The following PLA2G4A variants were observed in gnomAD, a reference collection of about 807,000 sequenced individuals.
PLA2G4A encodes the protein cytosolic phospholipase A2.
PLA2G4A carries 40 observed loss-of-function variants against 81.9 expected under a neutral mutation model. The ratio of observed to expected loss-of-function variants is 0.49; its 90% CI spans 0.38 to 0.64. The LOEUF is 0.64. PLA2G4A is among the 30% of genes least tolerant of loss of function. PLA2G4A has a pLI of 0.00. For synonymous variants in PLA2G4A, 302 were observed against 296.9 expected, an observed-to-expected ratio of 1.02 and a Z score of -0.18; for missense variants, 715 against 905.1, an observed-to-expected ratio of 0.79 and a Z score of 2.69.
At chr1:186,919,894 G>T (rs561645256) in intron 7 of PLA2G4A, among the ~76,000 whole-genome samples, 234 of 152,280 alleles carry the variant, frequency 1.5e-3, no homozygotes, top group Non-Finnish European at 1.6e-3. Flanking sequence ...AGGAGGGGGG[G>T]TGTTCCATGG....
intron 2 of PLA2G4A, among the ~76,000 whole-genome samples, chr1:186,865,345 A>G (rs1571346125): frequency 6.6e-6 from 1 of 152,244 alleles, no homozygotes; most frequent in African/African-American, 2.4e-5. Flanking sequence ...TAGACTAAAA[A>G]TAGATAATGC....
intron 5 of PLA2G4A, among the ~76,000 whole-genome samples, chr1:186,897,026 T>C (rs1285666713): frequency 1.3e-5 from 2 of 152,066 alleles, no homozygotes; most frequent in Non-Finnish European, 2.9e-5. Flanking sequence ...GAGAAGTTGG[T>C]GAGGGAGCAA....
At chr1:186,912,743 T>C (rs991096025) in intron 7 of PLA2G4A, among the ~76,000 whole-genome samples, 57 of 143,714 alleles carry the variant, frequency 4.0e-4, no homozygotes, top group African/African-American at 1.5e-3. Flanking sequence ...TATATATACA[T>C]ATATATGTAT....
intron 3 of PLA2G4A, 31 bp from the exon 4 acceptor site, chr1:186,892,980 C>T: frequency 1.9e-6 from 3 of 1,552,788 alleles, no homozygotes; most frequent in Admixed American, 1.7e-5. Context: ...CACATTTCTA[C>T]CTCCTTCTTG....
chr1:186,879,555 A>G (rs1301050994), intron 3 of PLA2G4A, among the ~76,000 whole-genome samples: 1 of 151,958 alleles, frequency 6.6e-6, no homozygotes, highest in Non-Finnish European at 1.5e-5. Context: ...TCTGCTACTT[A>G]TTAACCATGT....
chr1:186,856,148 C>G (rs1652543063), intron 2 of PLA2G4A, among the ~76,000 whole-genome samples: 1 of 151,844 alleles, frequency 6.6e-6, no homozygotes, highest in South Asian at 2.1e-4. Context: ...TGTAATGATT[C>G]TACAGAGGAG....
chr1:186,851,492 T>C (rs1053288372), intron 1 of PLA2G4A, among the ~76,000 whole-genome samples: 5 of 152,012 alleles, frequency 3.3e-5, no homozygotes, highest in Admixed American at 3.3e-4. Context: ...CTCTAGAGTA[T>C]TAGCTGGATT....
chr1:186,872,007 T>C (rs935708815), intron 3 of PLA2G4A, among the ~76,000 whole-genome samples: 2 of 152,010 alleles, frequency 1.3e-5, no homozygotes, highest in African/African-American at 4.8e-5. Flanking sequence ...GTCCAGGAAG[T>C]TGGTAAATGT....
intron 7 of PLA2G4A, 94 bp from the exon 8 acceptor site, chr1:186,932,669 A>G: frequency 8.0e-7 from 1 of 1,255,742 alleles, no homozygotes; most frequent in Non-Finnish European, 1.2e-6. Context: ...TTTGTGACAA[A>G]ATATGGGATG....
intron 3 of PLA2G4A, among the ~76,000 whole-genome samples, chr1:186,888,906 G>A (rs1286268243): frequency 6.6e-6 from 1 of 151,984 alleles, no homozygotes; most frequent in South Asian, 2.1e-4. Flanking sequence ...ATGATGTAGG[G>A]CTATGTTTTG....
intron 1 of PLA2G4A, among the ~76,000 whole-genome samples, chr1:186,835,515 T>G (rs1333670405): frequency 6.6e-6 from 1 of 152,226 alleles, no homozygotes; most frequent in Non-Finnish European, 1.5e-5. Context: ...CTGTATAGAC[T>G]GCTGCGTCTA....
intron 8 of PLA2G4A, among the ~76,000 whole-genome samples, chr1:186,934,263 C>G (rs1428845122): frequency 2.0e-5 from 3 of 151,880 alleles, no homozygotes; most frequent in African/African-American, 7.2e-5. Context: ...CTTTCTTAAA[C>G]TCATCTAATA....
chr1:186,852,362 A>G (rs575125036), intron 1 of PLA2G4A, among the ~76,000 whole-genome samples: 1 of 152,168 alleles, frequency 6.6e-6, no homozygotes, highest in East Asian at 1.9e-4. Flanking sequence ...GAAACTTACT[A>G]ACAATAGCAG....
Position 186,939,992 on chromosome 1 carries a change from A to G in PLA2G4A, c.931A>G (p.Thr311Ala). The G allele has an allele frequency of 6.6e-7, 1 of 1,505,160 alleles. No homozygotes were observed. Among genetic ancestry groups the G allele is most frequent in the Admixed American group, 1.7e-5 (1 of 59,858 alleles). The allele number at this position is 1,505,160 out of a possible 1,614,324, so 93.2% of individuals were successfully genotyped here. ...CTTCTGTGGACAGAGAATGAATACTACTCTGAGCAGTTTGAAGGAAAAAGT... is the reference window on the plus strand; with the variant it reads ...CTTCTGTGGACAGAGAATGAATACTGCTCTGAGCAGTTTGAAGGAAAAAGT... ...ETLIHNRMNT[T>A]LSSLKEKVNT... The change falls in exon 10 of 18, where the codon ACT becomes GCT. Residue 311 changes from threonine (T) to alanine (A), a missense_variant. Physicochemically the swap from Thr to Ala is moderately conservative, Grantham distance 58 (BLOSUM62 0). Transcript: ENST00000367466.
chr1:186,865,107 A>T (rs866376275), intron 2 of PLA2G4A, among the ~76,000 whole-genome samples: 37 of 144,770 alleles, frequency 2.6e-4, no homozygotes, highest in Admixed American at 3.5e-4. Flanking sequence ...TATATATATA[A>T]AATATAATAT....
chr1:186,870,525 C>A lies in PLA2G4A; in HGVS notation c.115+9C>A. On this transcript the variant is annotated intron_variant, in intron 3 of 17. Coordinates refer to ENST00000367466, the MANE Select transcript of PLA2G4A (RefSeq NM_024420.3). The stretch of plus-strand genomic sequence containing the variant: ...GGCCTTTGGTGACATGCGTAAGTGC[C>A]CTTTTTTTCTTTGCTGTTAAACATG... The A allele has an allele frequency of 6.4e-7, 1 of 1,565,824 alleles. No individual in the cohort carries two copies. Among genetic ancestry groups the A allele is most frequent in the Non-Finnish European group, 8.8e-7 (1 of 1,136,964 alleles).
chr1:186,859,073 C>G (rs1412169485), intron 2 of PLA2G4A, among the ~76,000 whole-genome samples: 1 of 152,124 alleles, frequency 6.6e-6, no homozygotes, highest in East Asian at 1.9e-4. Flanking sequence ...AGCCAGCTTA[C>G]TATTAATAGT....
intron 3 of PLA2G4A, among the ~76,000 whole-genome samples, chr1:186,873,167 T>C (rs373789848): frequency 4.3e-4 from 65 of 152,160 alleles, no homozygotes; most frequent in Admixed American, 2.8e-3. Flanking sequence ...AGATGATATA[T>C]AGTGCCAACC....
At chr1:186,900,531 A>G (rs1383705222) in intron 5 of PLA2G4A, among the ~76,000 whole-genome samples, 1 of 152,218 alleles carries the variant, frequency 6.6e-6, no homozygotes, top group East Asian at 1.9e-4. Context: ...TGTAGAGCTT[A>G]TCAATGCAGT....
Sources: allele counts gnomAD v4.1 joint callset (sites outside exome capture counted in the v4.1 genomes callset), GRCh38; gene constraint gnomAD v4.1.1; transcripts MANE v1.5; gene names NCBI Gene and HGNC (gene_info 2026-07-23, HGNC 2026-07-21).